The following ADK variants were observed in gnomAD, a reference collection of about 807,000 sequenced individuals.
The protein encoded by ADK is N6,N6-dimethyladenosine kinase.
In ADK, 24 loss-of-function variants were observed where a neutral mutation model predicts 44.7. The ratio of observed to expected loss-of-function variants is 0.54; its 90% confidence interval spans 0.39 to 0.76. ADK has a LOEUF of 0.76. ADK is among the 30% of genes least tolerant of loss of function. The pLI, the probability that ADK is intolerant of heterozygous loss-of-function variation, is 0.00. For missense variants in ADK, 321 were observed against 425.1 expected (o/e 0.76, Z 2.15); for synonymous variants, 128 against 142.6 (o/e 0.90, Z 0.73).
chr10:74,277,681 G>T (rs894409670), intron 3 of ADK, among the ~76,000 whole-genome samples: 1 of 152,178 alleles, frequency 6.6e-6, no homozygotes, highest in Non-Finnish European at 1.5e-5. Context: ...TTACAGGTGT[G>T]AGCCACCGCG....
At chr10:74,664,308 T>C (rs1854867235) in intron 9 of ADK, among the ~76,000 whole-genome samples, 2 of 151,878 alleles carry the variant, frequency 1.3e-5, no homozygotes, top group South Asian at 4.2e-4. Flanking sequence ...TTTGTGTGGG[T>C]GAGGGGAGGA....
chr10:74,286,000 A>G (rs1847148564), intron 3 of ADK, among the ~76,000 whole-genome samples: 2 of 152,310 alleles, frequency 1.3e-5, no homozygotes, highest in East Asian at 3.9e-4. Flanking sequence ...TAGTCTCTGA[A>G]TAAATATTGG....
chr10:74,580,552 G>A (rs2133892946), intron 7 of ADK, among the ~76,000 whole-genome samples: 1 of 150,224 alleles, frequency 6.7e-6, no homozygotes, highest in East Asian at 2.0e-4. Flanking sequence ...TTCAGCCTGG[G>A]CAACAAGAGC....
At chr10:74,565,739 A>AC (rs1394904885) in intron 7 of ADK, among the ~76,000 whole-genome samples, 2 of 151,674 alleles carry the variant, frequency 1.3e-5, no homozygotes, top group East Asian at 3.9e-4. Flanking sequence ...AAAAAAAAAA[A>AC]AAAAAAAAAA....
At chr10:74,431,167 T>C (rs1213890309) in intron 6 of ADK, among the ~76,000 whole-genome samples, 1 of 151,224 alleles carries the variant, frequency 6.6e-6, no homozygotes, top group East Asian at 1.9e-4. Context: ...ATTCTAGATA[T>C]GTTTTGAAGA....
chr10:74,179,432 C>A (rs1352437745), intron 1 of ADK, among the ~76,000 whole-genome samples: 1 of 152,064 alleles, frequency 6.6e-6, no homozygotes, highest in Non-Finnish European at 1.5e-5. Context: ...TCAGAAGATA[C>A]AGGTCACAAA....
intron 7 of ADK, among the ~76,000 whole-genome samples, chr10:74,527,027 G>A (rs904165239): frequency 2.6e-5 from 4 of 152,164 alleles, no homozygotes; most frequent in African/African-American, 9.7e-5. Flanking sequence ...GTTCTCTAGA[G>A]TTTAAGAGAC....
At chr10:74,588,017 C>G (rs906395452) in intron 7 of ADK, among the ~76,000 whole-genome samples, 6 of 151,914 alleles carry the variant, frequency 3.9e-5, no homozygotes, top group Non-Finnish European at 8.8e-5. Flanking sequence ...TGTTTTTACC[C>G]TGTCATCTTA....
intron 6 of ADK, among the ~76,000 whole-genome samples, chr10:74,429,584 T>A (rs1844913103): frequency 6.6e-6 from 1 of 152,160 alleles, no homozygotes; most frequent in African/African-American, 2.4e-5. Flanking sequence ...TCAAGTTAGG[T>A]ATAATATTAA....
intron 4 of ADK, among the ~76,000 whole-genome samples, chr10:74,316,528 T>TA (rs1212319552): frequency 1.3e-5 from 2 of 152,200 alleles, no homozygotes; most frequent in Non-Finnish European, 2.9e-5. Context: ...AAGGGGCTCT[T>TA]ACCCCTTTGC....
intron 7 of ADK, among the ~76,000 whole-genome samples, chr10:74,530,770 A>G (rs979155029): frequency 6.6e-6 from 1 of 152,128 alleles, no homozygotes; most frequent in Non-Finnish European, 1.5e-5. Flanking sequence ...TACTAAAAAT[A>G]CAAAAAAGCC....
chr10:74,359,873 T>C (rs1842275284), intron 4 of ADK, among the ~76,000 whole-genome samples: 1 of 152,174 alleles, frequency 6.6e-6, no homozygotes, highest in Non-Finnish European at 1.5e-5. Context: ...GTTAAATTTA[T>C]TTCCTGGTTA....
intron 1 of ADK, among the ~76,000 whole-genome samples, chr10:74,173,536 T>C (rs568866236): frequency 2.6e-5 from 4 of 152,148 alleles, no homozygotes; most frequent in African/African-American, 9.6e-5. Flanking sequence ...GTTCAAGTGA[T>C]TCTCCTGCCT....
intron 7 of ADK, among the ~76,000 whole-genome samples, chr10:74,542,516 A>AC (rs1161023605): frequency 1.3e-5 from 2 of 151,916 alleles, no homozygotes; most frequent in African/African-American, 4.8e-5. Flanking sequence ...AAGTATTTTA[A>AC]TTTTTTTTAA....
chr10:74,521,953 A>G (rs981233273), intron 6 of ADK, among the ~76,000 whole-genome samples: 4 of 152,214 alleles, frequency 2.6e-5, no homozygotes, highest in African/African-American at 9.6e-5. Flanking sequence ...AACATTTTGT[A>G]TTTCACTAAA....
At chr10:74,321,350 C>T (rs540102861) in intron 4 of ADK, among the ~76,000 whole-genome samples, 50 of 151,962 alleles carry the variant, frequency 3.3e-4, no homozygotes, top group African/African-American at 1.2e-3. Context: ...GTGGTGCGAT[C>T]ACAGCTCACT....
rs369261681 is a variant in ADK at position 74,338,406 on chromosome 10, A to G, written c.273+23661A>G. ...ATATTCCATATGACTCAGCAATCAT[A>G]TTCCTGAGTATTTAACATAGAAAAA... is the stretch of plus-strand genomic sequence containing the variant. On this transcript the variant is annotated intron_variant, in intron 4 of 10. Coordinates refer to ENST00000539909, the MANE Select transcript of ADK (RefSeq NM_006721.4). Among the ~76,000 whole-genome samples, 7 of 152,336 alleles carry G rather than the reference A, an allele frequency of 4.6e-5. No homozygotes were observed. The East Asian group carries it at 7.7e-4, about 17-fold the overall frequency.
chr10:74,183,894 A>T (rs1002451419), intron 1 of ADK, among the ~76,000 whole-genome samples: 8 of 151,990 alleles, frequency 5.3e-5, no homozygotes, highest in African/African-American at 1.9e-4. Context: ...TTTAGCTGGC[A>T]TTCTGGTCTG....
chr10:74,384,879 G>GTTTATGT (rs1289865103), intron 4 of ADK, among the ~76,000 whole-genome samples: 1 of 152,150 alleles, frequency 6.6e-6, no homozygotes, highest in East Asian at 1.9e-4. Context: ...TCATAAAGTT[G>GTTTATGT]TTTATGTTGA....
Sources: gnomAD v4.1 joint callset for allele counts (sites outside exome capture counted in the v4.1 genomes callset) on GRCh38, gnomAD v4.1.1 for gene constraint, MANE v1.5 for transcripts, NCBI Gene and HGNC (gene_info 2026-07-23, HGNC 2026-07-21) for gene names.